Variants in CADM2 observed in about 807,000 individuals in gnomAD.
The protein encoded by CADM2 is immunoglobulin superfamily member 4D.
In CADM2, 12 loss-of-function variants were observed where a neutral mutation model predicts 49.8. The ratio of observed to expected loss-of-function variants is 0.24; its 90% CI spans 0.15 to 0.39. The LOEUF is 0.39. CADM2 is among the 10% of genes least tolerant of loss of function. The pLI is 1.00. For missense variants in CADM2, 378 were observed against 492.3 expected (o/e 0.77, Z 2.20); for synonymous variants, 214 against 175.4 (o/e 1.22, Z -1.74).
intron 1 of CADM2, among the ~76,000 whole-genome samples, chr3:85,560,518 G>A (rs1221792018): frequency 2.0e-5 from 3 of 152,224 alleles, no homozygotes; most frequent in Non-Finnish European, 1.5e-5. Context: ...ATGGGAGTTG[G>A]CGCTGCAGGA....
At chr3:85,645,034 GT>G (rs1327830821) in intron 1 of CADM2, among the ~76,000 whole-genome samples, 1 of 151,912 alleles carries the variant, frequency 6.6e-6, no homozygotes, top group Non-Finnish European at 1.5e-5. Flanking sequence ...AAACTTAATT[GT>G]TGAATAACTA....
intron 1 of CADM2, among the ~76,000 whole-genome samples, chr3:85,067,444 G>A (rs1432612935): frequency 6.6e-6 from 1 of 152,084 alleles, no homozygotes; most frequent in Non-Finnish European, 1.5e-5. Context: ...TGCTTGGAAG[G>A]TTATGAAATA....
At chr3:84,966,635 C>G (rs1261845902) in intron 1 of CADM2, among the ~76,000 whole-genome samples, 2 of 151,990 alleles carry the variant, frequency 1.3e-5, no homozygotes, top group Admixed American at 6.6e-5. Context: ...CTTGTTACTA[C>G]TTGAATAGAT....
At chr3:85,019,660 C>T (rs117972944) in intron 1 of CADM2, among the ~76,000 whole-genome samples, 1 of 152,212 alleles carries the variant, frequency 6.6e-6, no homozygotes, top group East Asian at 1.9e-4. Flanking sequence ...GCAAAAAGAA[C>T]TCCAAGTTAT....
At chr3:85,992,621 T>C (rs989433139) in intron 8 of CADM2, 1 of 152,178 alleles carries the variant, frequency 6.6e-6, no homozygotes, top group African/African-American at 2.4e-5. Flanking sequence ...TCTTAGTGCA[T>C]ATAAAAGTTA....
At chr3:85,773,348 C>T (rs2070198870) in intron 2 of CADM2, among the ~76,000 whole-genome samples, 1 of 151,906 alleles carries the variant, frequency 6.6e-6, no homozygotes, top group South Asian at 2.1e-4. Flanking sequence ...TGCAGACCAG[C>T]TGTAAAGATA....
chr3:85,918,129 A>G (rs969208460), intron 6 of CADM2, among the ~76,000 whole-genome samples: 8 of 152,128 alleles, frequency 5.3e-5, no homozygotes, highest in Admixed American at 2.0e-4. Context: ...TCTTTTCCTA[A>G]TTGAATGCCC....
intron 1 of CADM2, among the ~76,000 whole-genome samples, chr3:85,504,157 G>A (rs2040224715): frequency 6.6e-6 from 1 of 152,044 alleles, no homozygotes; most frequent in Admixed American, 6.6e-5. Flanking sequence ...GATGTGTTCG[G>A]AGTTTCTTCC....
intron 1 of CADM2, among the ~76,000 whole-genome samples, chr3:85,113,685 C>CAT (rs1559669997): frequency 3.0e-5 from 4 of 135,312 alleles, no homozygotes; most frequent in African/African-American, 1.2e-4. Context: ...TTTATTCATT[C>CAT]GTTTTTTTTT....
chr3:85,968,635 A>G (rs1725747763), intron 8 of CADM2, among the ~76,000 whole-genome samples: 1 of 151,696 alleles, frequency 6.6e-6, no homozygotes, highest in African/African-American at 2.4e-5. Context: ...TCTCAGTTGC[A>G]GTATAAAATA....
intron 3 of CADM2, among the ~76,000 whole-genome samples, chr3:85,843,901 G>T (rs941946441): frequency 2.7e-4 from 41 of 151,714 alleles, no homozygotes; most frequent in African/African-American, 9.5e-4. Context: ...TGTGTGTGGG[G>T]GGGGAGCGGT....
rs532539174 is a variant in CADM2, at chr3:85,291,855, C to T, written c.61+332187C>T. ...AATCATGCCAAAATGTAAAGACCAT[C>T]GAGACTAGGAAGAAACTGCATCAAC... On this transcript the variant is annotated intron_variant, in intron 1 of 9. Transcript: ENST00000383699. Among the ~76,000 whole-genome samples the T allele has an allele frequency of 2.5e-3, 368 of 149,268 alleles. 1 individual carries two copies. Among genetic ancestry groups the T allele is most frequent in the Admixed American group, 5.4e-3 (82 of 15,152 alleles).
At chr3:85,437,443 G>T (rs1240115191) in intron 1 of CADM2, among the ~76,000 whole-genome samples, 1 of 152,050 alleles carries the variant, frequency 6.6e-6, no homozygotes, top group African/African-American at 2.4e-5. Flanking sequence ...CTCCAAAGTG[G>T]CTATGCCACT....
At chr3:86,055,481 G>GTTTTTTTTTTTTTT (rs1440467932) in intron 8 of CADM2, among the ~76,000 whole-genome samples, 4 of 121,042 alleles carry the variant, frequency 3.3e-5, no homozygotes, top group Non-Finnish European at 4.9e-5. Context: ...TTTTTTTTTG[G>GTTTTTTTTTTTTTT]TTTTAGAGGG....
At chr3:85,687,639 G>GT (rs2066255445) in intron 1 of CADM2, among the ~76,000 whole-genome samples, 1 of 152,156 alleles carries the variant, frequency 6.6e-6, no homozygotes, top group African/African-American at 2.4e-5. Context: ...TCTACTTATT[G>GT]TAAGAGGAAG....
At chr3:85,817,255 G>A (rs1188327242) in intron 3 of CADM2, among the ~76,000 whole-genome samples, 1 of 152,170 alleles carries the variant, frequency 6.6e-6, no homozygotes, top group Non-Finnish European at 1.5e-5. Flanking sequence ...AAGTAGGGAG[G>A]TGAAATACTG....
chr3:86,050,597 T>A (rs905135339), intron 8 of CADM2, among the ~76,000 whole-genome samples: 2 of 152,174 alleles, frequency 1.3e-5, no homozygotes, highest in South Asian at 4.1e-4. Flanking sequence ...TGCCTAGACA[T>A]CCAGGCTTTT....
intron 1 of CADM2, among the ~76,000 whole-genome samples, chr3:85,456,971 C>A (rs75892230): frequency 0.048 from 7,218 of 151,654 alleles, 294 homozygotes; most frequent in Non-Finnish European, 0.063. Context: ...TAAATTGGAA[C>A]AATTTTATTC....
At chr3:85,807,102 T>C (rs2072480543) in intron 3 of CADM2, among the ~76,000 whole-genome samples, 1 of 152,206 alleles carries the variant, frequency 6.6e-6, no homozygotes, top group South Asian at 2.1e-4. Context: ...TTGGACGCCA[T>C]GTCATTTTAA....
Sources: allele counts gnomAD v4.1 joint callset (sites outside exome capture counted in the v4.1 genomes callset), GRCh38; gene constraint gnomAD v4.1.1; transcripts MANE v1.5; gene names NCBI Gene and HGNC (gene_info 2026-07-23, HGNC 2026-07-21).